ALPK1: variants seen among roughly 807,000 people sequenced by gnomAD.
ALPK1 encodes the protein alpha kinase 1, also known as alpha-protein kinase 1.
A neutral mutation model predicts 120.6 loss-of-function variants in ALPK1; 110 were observed. That is an observed-to-expected ratio of 0.91 (90% confidence interval 0.78 to 1.07). ALPK1 has a LOEUF of 1.07. ALPK1 is among the 50% of genes least tolerant of loss of function. ALPK1 has a pLI of 0.00. For missense variants in ALPK1, 1,498 were observed against 1,483.9 expected (o/e 1.01, Z -0.16); for synonymous variants, 582 against 560.3 (o/e 1.04, Z -0.55).
chr4:112,429,046 T>C, intron 9 of ALPK1, 103 bp from the exon 10 acceptor site: 1 of 988,984 alleles, frequency 1.0e-6, no homozygotes, highest in South Asian at 1.3e-5. Flanking sequence ...CGGTGAGGAG[T>C]CCCTTGAAAT....
intron 2 of ALPK1, among the ~76,000 whole-genome samples, chr4:112,327,739 C>T (rs564989815): frequency 1.3e-5 from 2 of 152,188 alleles, no homozygotes; most frequent in South Asian, 4.2e-4. Flanking sequence ...GCCACCAGGC[C>T]CAGCCAAAAG....
At chr4:112,376,987 C>A (rs546144995) in intron 2 of ALPK1, among the ~76,000 whole-genome samples, 1 of 152,084 alleles carries the variant, frequency 6.6e-6, no homozygotes, top group African/African-American at 2.4e-5. Context: ...TTGAAATTAC[C>A]TTGACGGCAG....
intron 2 of ALPK1, among the ~76,000 whole-genome samples, chr4:112,355,470 G>A (rs1416766819): frequency 2.0e-5 from 3 of 152,116 alleles, no homozygotes; most frequent in African/African-American, 7.2e-5. Flanking sequence ...AGGGGCAGCC[G>A]TTCTCAAATT....
chr4:112,435,178 C>A lies in ALPK1; in HGVS notation c.3065C>A (p.Ser1022Tyr), dbSNP rs963742674. ...CTTTTGTTAAAATATTCAAAAAAAT[C>A]TGAACTGTGGACGGCCCAGGAAACT... ...SALLLKYSKK[S>Y]ELWTAQETIV... is the part of the protein sequence containing the mutation. Residue 1022 changes from serine (S) to tyrosine (Y), a missense_variant, in exon 12 of 16, where the codon TCT (serine) becomes TAT (tyrosine). Physicochemically the swap from Ser to Tyr is moderately radical, Grantham distance 144. Coordinates refer to ENST00000650871, the MANE Select transcript of ALPK1 (RefSeq NM_025144.4). 1 of 1,603,776 alleles carries A rather than the reference C, an allele frequency of 6.2e-7. No individual in the cohort carries two copies. The highest frequency in any genetic ancestry group is 1.3e-5 in the African/African-American group (1 of 74,116).
At chr4:112,348,330 T>C (rs1730185130) in intron 2 of ALPK1, among the ~76,000 whole-genome samples, 1 of 152,238 alleles carries the variant, frequency 6.6e-6, no homozygotes, top group African/African-American at 2.4e-5. Flanking sequence ...AACAAGTCTG[T>C]TGGTCTCTGA....
Position 112,312,990 on chromosome 4 carries a change from G to C in ALPK1, c.-152-2811G>C, listed in dbSNP as rs192708400. 7.7e-4 allele frequency among the ~76,000 whole-genome samples: 118 copies of C among 152,290 alleles called. No individual in the cohort carries two copies. The South Asian group carries it at 0.013, about 17-fold the overall frequency. On this transcript the variant is annotated intron_variant, in intron 1 of 15. Coordinates refer to ENST00000650871, the MANE Select transcript of ALPK1 (RefSeq NM_025144.4). ...CTATTCAGCCTCTTTTGAATGCCCA[G>C]CTCATCAAGAGTTGGCCTTTCATTT...
intron 5 of ALPK1, chr4:112,414,313 G>A (rs749660827): frequency 1.0e-5 from 5 of 492,970 alleles, no homozygotes; most frequent in South Asian, 7.4e-5. Flanking sequence ...AGAAGCAAGA[G>A]AAGACCCACA....
At chr4:112,407,890 G>A (rs185954367) in intron 4 of ALPK1, among the ~76,000 whole-genome samples, 179 of 152,264 alleles carry the variant, frequency 1.2e-3, no homozygotes, top group Non-Finnish European at 2.2e-3. Context: ...GGCAGATTAC[G>A]AGGTCAGGAG....
chr4:112,363,964 G>A (rs1731026372), intron 2 of ALPK1, among the ~76,000 whole-genome samples: 1 of 152,118 alleles, frequency 6.6e-6, no homozygotes, highest in South Asian at 2.1e-4. Context: ...ATCGATTGTT[G>A]GGTCAACAGT....
At chr4:112,380,991 AGTGGGCCTGAATTTG>A (rs1731878301) in intron 3 of ALPK1, among the ~76,000 whole-genome samples, 1 of 152,234 alleles carries the variant, frequency 6.6e-6, no homozygotes, top group Non-Finnish European at 1.5e-5. Context: ...TGCTGAAGCC[AGTGGGCCTGAATTTG>A]GTCACAAGGC....
At chr4:112,418,313 G>A (rs1443375548) in intron 5 of ALPK1, among the ~76,000 whole-genome samples, 1 of 152,214 alleles carries the variant, frequency 6.6e-6, no homozygotes, top group Non-Finnish European at 1.5e-5. Context: ...CTGTGTCTTA[G>A]AACTCACCAC....
intron 2 of ALPK1, among the ~76,000 whole-genome samples, chr4:112,324,501 AG>A (rs1486713978): frequency 6.6e-6 from 1 of 151,906 alleles, no homozygotes; most frequent in Non-Finnish European, 1.5e-5. Flanking sequence ...TTTTTCAGAC[AG>A]GGTCTAACTC....
chr4:112,308,761 G>T (rs1434637797), intron 1 of ALPK1, among the ~76,000 whole-genome samples: 1 of 152,100 alleles, frequency 6.6e-6, no homozygotes, highest in African/African-American at 2.4e-5. Context: ...CAAAGTCATT[G>T]TCCATCCAGC....
At chr4:112,334,056 G>A (rs1333778491) in intron 2 of ALPK1, among the ~76,000 whole-genome samples, 1 of 151,928 alleles carries the variant, frequency 6.6e-6, no homozygotes. Context: ...ATAGTACTGT[G>A]TAACGAACAC....
At chr4:112,358,613 G>C in intron 2 of ALPK1, 1 of 723,712 alleles carries the variant, frequency 1.4e-6, no homozygotes, top group Admixed American at 2.1e-5. Context: ...GGAGCACAGC[G>C]AACAGTGGGC....
chr4:112,422,082 AATGGGTGATC>A (rs1734021200), intron 5 of ALPK1, among the ~76,000 whole-genome samples: 1 of 152,202 alleles, frequency 6.6e-6, no homozygotes, highest in African/African-American at 2.4e-5. Flanking sequence ...CTAAGTGACT[AATGGGTGATC>A]ATCGTAGATA....
At chr4:112,308,752 A>G (rs576664582) in intron 1 of ALPK1, among the ~76,000 whole-genome samples, 2 of 152,232 alleles carry the variant, frequency 1.3e-5, no homozygotes, top group East Asian at 1.9e-4. Flanking sequence ...TGAACTCGTC[A>G]AAGTCATTGT....
At chr4:112,366,846 A>C (rs1195376493) in intron 2 of ALPK1, among the ~76,000 whole-genome samples, 6 of 152,246 alleles carry the variant, frequency 3.9e-5, no homozygotes, top group Admixed American at 1.3e-4. Context: ...GTATATATAC[A>C]CCATGGACTA....
At chr4:112,410,832 A>C (rs576355498) in intron 4 of ALPK1, 1 of 153,214 alleles carries the variant, frequency 6.5e-6, no homozygotes, top group South Asian at 2.1e-4. Flanking sequence ...TTCTTATTTT[A>C]TTCATTAACT....
Sources: allele counts gnomAD v4.1 joint callset (sites outside exome capture counted in the v4.1 genomes callset), GRCh38; gene constraint gnomAD v4.1.1; transcripts MANE v1.5; gene names NCBI Gene and HGNC (gene_info 2026-07-23, HGNC 2026-07-21).